NRG2: variants seen among roughly 807,000 people sequenced by gnomAD.
NRG2 encodes the protein neuregulin 2.
Under a neutral mutation model 73.9 loss-of-function variants are expected in NRG2, and 27 were observed. The ratio of observed to expected loss-of-function variants is 0.37; its 90% CI spans 0.27 to 0.50. The LOEUF (loss-of-function observed/expected upper bound fraction) is 0.50. Ranked by LOEUF, NRG2 falls within the 20% of genes least tolerant of loss-of-function variation. The probability of loss-of-function intolerance (pLI) is 0.96; values close to 1 mark genes in which losing one functional copy is unlikely to be tolerated. For missense variants in NRG2, 1,126 were observed against 1,210.1 expected (o/e 0.93, Z 1.03); for synonymous variants, 532 against 541.0 (o/e 0.98, Z 0.23).
intron 1 of NRG2, among the ~76,000 whole-genome samples, chr5:139,914,444 C>T (rs781373990): frequency 2.0e-5 from 3 of 152,176 alleles, no homozygotes; most frequent in Non-Finnish European, 2.9e-5. Flanking sequence ...AACTCAGCCT[C>T]GTTCAGAGCT....
intron 1 of NRG2, among the ~76,000 whole-genome samples, chr5:140,016,931 G>C (rs1488237488): frequency 1.3e-5 from 2 of 152,218 alleles, no homozygotes; most frequent in East Asian, 3.8e-4. Context: ...CAGGGCCTTG[G>C]AGGCCACGTG....
intron 1 of NRG2, among the ~76,000 whole-genome samples, chr5:140,036,489 A>C: frequency 6.6e-6 from 1 of 152,196 alleles, no homozygotes. Flanking sequence ...GTTTTTAAAG[A>C]AGTCTACTTT....
chr5:139,904,362 G>C lies in NRG2; in HGVS notation c.701-16851C>G. 6.3e-7 allele frequency: 1 copy of C among 1,587,892 alleles called. No individual in the cohort carries two copies. Among genetic ancestry groups the C allele is most frequent in the Non-Finnish European group, 8.5e-7 (1 of 1,175,424 alleles). ...GCTTCCTCCCCTCTGGGTGCTTCTT[G>C]CCGCGGCCGCGGCCCCTCCTCCTGG... On this transcript the variant is annotated intron_variant, in intron 1 of 9. Transcript: ENST00000361474. This position sits in a 1 kb window ranked among gnomAD's most constrained non-coding sequence, Gnocchi z 6.0.
intron 1 of NRG2, among the ~76,000 whole-genome samples, chr5:139,997,041 C>G (rs1174502966): frequency 1.3e-5 from 2 of 152,104 alleles, no homozygotes; most frequent in Non-Finnish European, 2.9e-5. Flanking sequence ...ACTCAGGAGG[C>G]TGAGGTGGGG....
At chr5:139,943,213 C>G (rs543181357) in intron 1 of NRG2, among the ~76,000 whole-genome samples, 5 of 152,282 alleles carry the variant, frequency 3.3e-5, no homozygotes, top group Middle Eastern at 6.8e-3. Context: ...ATGGCGCGAT[C>G]TCGGCTCACT....
intron 1 of NRG2, among the ~76,000 whole-genome samples, chr5:139,958,884 G>C (rs1390749334): frequency 6.6e-6 from 1 of 152,192 alleles, no homozygotes; most frequent in Non-Finnish European, 1.5e-5. Context: ...CTCAGCACTG[G>C]ATTAACTTCC....
intron 1 of NRG2, among the ~76,000 whole-genome samples, chr5:139,946,415 T>G (rs1753804554): frequency 1.3e-5 from 2 of 151,956 alleles, no homozygotes; most frequent in African/African-American, 4.8e-5. Flanking sequence ...CAACTAGATA[T>G]CCACAGCAAA....
chr5:139,938,633 A>G (rs912227778), intron 1 of NRG2, among the ~76,000 whole-genome samples: 6 of 152,040 alleles, frequency 3.9e-5, no homozygotes, highest in Non-Finnish European at 8.8e-5. Context: ...CCAGAATTAC[A>G]GGCTCAAGCC....
chr5:140,028,461 G>T (rs983342087), intron 1 of NRG2, among the ~76,000 whole-genome samples: 1 of 152,112 alleles, frequency 6.6e-6, no homozygotes, highest in African/African-American at 2.4e-5. Flanking sequence ...CAGATAACTT[G>T]TCTCTTGAGT....
intron 2 of NRG2, among the ~76,000 whole-genome samples, chr5:139,884,117 G>A (rs1044059714): frequency 5.9e-5 from 9 of 151,494 alleles, no homozygotes; most frequent in African/African-American, 2.2e-4. Flanking sequence ...CTCTCTGTCA[G>A]GTTCTATAGC....
chr5:139,888,115 AACAC>A (rs148802670), intron 1 of NRG2, among the ~76,000 whole-genome samples: 3 of 148,886 alleles, frequency 2.0e-5, no homozygotes, highest in East Asian at 2.0e-4. Context: ...AAAACAAAAC[AACAC>A]ACACACACAC....
intron 1 of NRG2, among the ~76,000 whole-genome samples, chr5:139,946,681 C>G (rs1176407700): frequency 1.3e-5 from 2 of 152,100 alleles, no homozygotes; most frequent in Non-Finnish European, 2.9e-5. Context: ...AGTGAAACGA[C>G]AACCCACTGA....
rs144636091 is a variant in NRG2, at chr5:139,948,947, C to T, written c.701-61436G>A. On this transcript the variant is annotated intron_variant, in intron 1 of 9. Transcript: ENST00000361474. Reference sequence around the variant, plus strand: ...TCGGCATAGGCAAGCTCCGCAGCCACAGGCAGCCATGTTCAATTAACAAAG... The same window carrying T: ...TCGGCATAGGCAAGCTCCGCAGCCATAGGCAGCCATGTTCAATTAACAAAG... 1.5e-3 allele frequency among the ~76,000 whole-genome samples: 230 copies of T among 152,066 alleles called. 1 individual carries two copies. Among genetic ancestry groups the T allele is most frequent in the African/African-American group, 5.4e-3 (224 of 41,496 alleles).
intron 1 of NRG2, among the ~76,000 whole-genome samples, chr5:139,984,280 A>AT (rs1314338329): frequency 2.0e-5 from 3 of 152,192 alleles, no homozygotes; most frequent in Non-Finnish European, 4.4e-5. Flanking sequence ...TGTTAAATAA[A>AT]TTTTGGTGCC....
intron 1 of NRG2, among the ~76,000 whole-genome samples, chr5:140,007,775 ATAT>A (rs1202990594): frequency 6.6e-6 from 1 of 152,192 alleles, no homozygotes; most frequent in East Asian, 1.9e-4. Context: ...GGGAAGACAG[ATAT>A]TATGCCAGCA....
chr5:139,994,294 T>A (rs1194275953), intron 1 of NRG2, among the ~76,000 whole-genome samples: 1 of 152,222 alleles, frequency 6.6e-6, no homozygotes, highest in Non-Finnish European at 1.5e-5. Context: ...ATGAGACACA[T>A]GAATACAAGA....
rs970832928 is a variant in NRG2 at position 140,008,039 on chromosome 5, A to G, written c.700+34331T>C. Among the ~76,000 whole-genome samples, 2 of 152,194 alleles carry G rather than the reference A, an allele frequency of 1.3e-5. No individual in the cohort carries two copies. The highest frequency in any genetic ancestry group is 4.8e-5 in the African/African-American group (2 of 41,450). On this transcript the variant is annotated intron_variant, in intron 1 of 9. Coordinates refer to ENST00000361474, the MANE Select transcript of NRG2 (RefSeq NM_004883.3). This position sits in a 1 kb window ranked among gnomAD's most constrained non-coding sequence, Gnocchi z 4.2. ...TGTGAGACCCACAGCCGCCAGTCCT[A>G]TAGTAGGAAGCTGTCACTCTCTAGT...
Position 139,852,589 on chromosome 5 carries a change from G to C in NRG2, c.1417-30C>G, listed in dbSNP as rs751436825. The C allele has an allele frequency of 6.2e-7, 1 of 1,607,380 alleles. No individual in the cohort carries two copies. Among genetic ancestry groups the C allele is most frequent in the South Asian group, 1.1e-5 (1 of 89,548 alleles). ...AACAGACAGAGTTGGGCGAGAGTTA[G>C]TGACTGGGGCCCAAATGAACTCTTT... On this transcript the variant is annotated intron_variant, in intron 7 of 9. Coordinates refer to ENST00000361474, the MANE Select transcript of NRG2 (RefSeq NM_004883.3). This position sits in a 1 kb window ranked among gnomAD's most constrained non-coding sequence, Gnocchi z 4.4.
intron 1 of NRG2, among the ~76,000 whole-genome samples, chr5:139,977,736 C>A (rs1472732955): frequency 2.6e-5 from 4 of 152,104 alleles, no homozygotes; most frequent in African/African-American, 9.7e-5. Context: ...GTACTGGTAC[C>A]AAAACAGAGA....
Sources: gnomAD v4.1 joint callset for allele counts (sites outside exome capture counted in the v4.1 genomes callset) on GRCh38, gnomAD v4.1.1 for gene constraint, Gnocchi (gnomAD v3.1) non-coding constraint, MANE v1.5 for transcripts, NCBI Gene and HGNC (gene_info 2026-07-23, HGNC 2026-07-21) for gene names.